GSTA4: variants seen among roughly 807,000 people sequenced by gnomAD.
The protein encoded by GSTA4 is glutathione S-transferase A4.
A neutral mutation model predicts 24.4 loss-of-function variants in GSTA4; 15 were observed. The observed-to-expected ratio is 0.61, with a 90% CI of 0.41 to 0.95. The LOEUF (loss-of-function observed/expected upper bound fraction) is 0.95. GSTA4 is among the 40% of genes least tolerant of loss of function. The pLI, the probability that GSTA4 is intolerant of heterozygous loss-of-function variation, is 0.00. For missense variants in GSTA4, 244 were observed against 262.1 expected, an observed-to-expected ratio of 0.93 and a Z score of 0.48; for synonymous variants, 92 against 94.2, an observed-to-expected ratio of 0.98 and a Z score of 0.13.
chr6:52,992,798 A>G (rs527889967), intron 2 of GSTA4, among the ~76,000 whole-genome samples: 1 of 152,304 alleles, frequency 6.6e-6, no homozygotes, highest in East Asian at 1.9e-4. Flanking sequence ...ATCGCGGGAT[A>G]GTAAAAGGAC....
At position 52,994,247 on chromosome 6, in the gene GSTA4, A is replaced by G. The variant is rs541729021; in HGVS notation, c.-4T>C. On this transcript the variant is annotated 5_prime_UTR_variant, in exon 2 of 7. Coordinates refer to ENST00000370963, the MANE Select transcript of GSTA4 (RefSeq NM_001512.4). The stretch of plus-strand genomic sequence containing the variant: ...GGAGCTTGGGCCTTGCTGCCATGAT[A>G]GCTTTTCAGGCTTTCTGAAATACAA... 7 of 1,601,944 alleles carry G rather than the reference A, an allele frequency of 4.4e-6. No homozygotes were observed. In the East Asian group the frequency reaches 1.3e-4, roughly 31 times the overall value.
At chr6:52,981,676 G>A (rs622902) in intron 6 of GSTA4, among the ~76,000 whole-genome samples, 85,765 of 152,014 alleles carry the variant, frequency 0.56, 24,537 homozygotes, top group East Asian at 0.74. Flanking sequence ...TTTGGCCCAG[G>A]AGTTACAGTC....
intron 6 of GSTA4, among the ~76,000 whole-genome samples, chr6:52,979,135 A>G (rs1271666056): frequency 6.6e-6 from 1 of 152,204 alleles, no homozygotes; most frequent in Non-Finnish European, 1.5e-5. Context: ...AAACACCTCC[A>G]GTGTATTGTT....
At chr6:52,985,324 G>C in intron 4 of GSTA4, 127 bp downstream of exon 4, 1 of 797,262 alleles carries the variant, frequency 1.3e-6, no homozygotes, top group South Asian at 2.4e-5. Context: ...GACCTTCTTG[G>C]GTTTTTGTTC....
At chr6:52,982,310 G>C (rs1763466294) in intron 6 of GSTA4, among the ~76,000 whole-genome samples, 1 of 151,608 alleles carries the variant, frequency 6.6e-6, no homozygotes, top group Admixed American at 6.6e-5. Flanking sequence ...CTTGAGCCCA[G>C]GAGTTCAAGA....
Position 52,989,947 on chromosome 6 carries a change from G to A in GSTA4, c.88-2539C>T, listed in dbSNP as rs77022534. On this transcript the variant is annotated intron_variant, in intron 2 of 6. Transcript: ENST00000370963. ...CAGCCTCAACCTCCTGGGCTCAAGG[G>A]ATCCTGCCACCCTCAGCCTCCCAAG... is the stretch of plus-strand genomic sequence containing the variant. 2.0e-3 allele frequency among the ~76,000 whole-genome samples: 301 copies of A among 152,206 alleles called. 1 individual carries two copies. The highest frequency in any genetic ancestry group is 7.0e-3 in the African/African-American group (290 of 41,526).
intron 2 of GSTA4, 169 bp downstream of exon 2, chr6:52,993,988 T>C: frequency 1.4e-6 from 1 of 697,934 alleles, no homozygotes; most frequent in Non-Finnish European, 2.6e-6. Flanking sequence ...ATCAACTACG[T>C]TCTAATTATA....
chr6:52,987,572 T>C (rs1581912689), intron 2 of GSTA4, 164 bp from the exon 3 acceptor site: 1 of 524,670 alleles, frequency 1.9e-6, no homozygotes, highest in South Asian at 2.6e-5. Context: ...TTCTGATTCA[T>C]ATGTGGGAGC....
At chr6:52,981,041 C>T (rs1362707882) in intron 6 of GSTA4, among the ~76,000 whole-genome samples, 1 of 151,770 alleles carries the variant, frequency 6.6e-6, no homozygotes, top group South Asian at 2.1e-4. Context: ...TGAAAAGTAT[C>T]CTAAGTTCTG....
intron 2 of GSTA4, 57 bp from the exon 3 acceptor site, chr6:52,987,465 A>C: frequency 1.1e-6 from 1 of 918,498 alleles, no homozygotes; most frequent in Admixed American, 2.1e-5. Flanking sequence ...TCAGCCATTA[A>C]GAAAACAAAA....
At chr6:52,994,641 C>G (rs565964864) in intron 1 of GSTA4, among the ~76,000 whole-genome samples, 8 of 152,080 alleles carry the variant, frequency 5.3e-5, no homozygotes, top group Non-Finnish European at 1.0e-4. Context: ...AAGAGGGTAG[C>G]GAAGGAAAAT....
In GSTA4 at chr6:52,994,969, G is replaced by A. The variant is rs4147616; in HGVS notation, c.-19+280C>T. The A allele has an allele frequency of 4.7e-3, 710 of 152,350 alleles. 38 individuals carry two copies. In the East Asian group the frequency reaches 0.11, roughly 23 times the overall value. 9.4% of individuals were successfully genotyped at this position (152,350 alleles called of 1,614,324 possible). ...GCCCAGCCAGGCCCGGGGACGATCC[G>A]AGCCCACCTTCCACCAATGCATTCA... On this transcript the variant is annotated intron_variant, in intron 1 of 6. Coordinates refer to ENST00000370963, the MANE Select transcript of GSTA4 (RefSeq NM_001512.4).
chr6:52,978,403 T>C lies in GSTA4; in HGVS notation c.*67A>G. The C allele has an allele frequency of 1.3e-6, 2 of 1,521,410 alleles. No individual in the cohort carries two copies. The highest frequency in any genetic ancestry group is 1.8e-6 in the Non-Finnish European group (2 of 1,108,618). 94.2% of individuals were successfully genotyped at this position (1,521,410 alleles called of 1,614,324 possible). On this transcript the variant is annotated 3_prime_UTR_variant, in exon 7 of 7. Transcript: ENST00000370963. ...AGCACCATGACAGAGCTGGGATCCATTAAGACATGACTGTAGACAATACCA... is the reference window on the plus strand; with the variant it reads ...AGCACCATGACAGAGCTGGGATCCACTAAGACATGACTGTAGACAATACCA...
chr6:52,988,837 T>C (rs1763610892), intron 2 of GSTA4, among the ~76,000 whole-genome samples: 1 of 152,176 alleles, frequency 6.6e-6, no homozygotes, highest in Non-Finnish European at 1.5e-5. Context: ...AATGGTATTG[T>C]GGTTATTAGG....
At chr6:52,982,545 C>G in intron 6 of GSTA4, 29 bp downstream of exon 6, 1 of 1,580,642 alleles carries the variant, frequency 6.3e-7, no homozygotes, top group Non-Finnish European at 8.6e-7. Flanking sequence ...GAGTTCTAGG[C>G]CAATCTTCTA....
chr6:52,982,700 T>A lies in GSTA4; in HGVS notation c.420A>T (p.Leu140Phe), dbSNP rs1342023551. The stretch of plus-strand genomic sequence containing the variant: ...CAAGAAAGCTTTGTCCGTGACCCCT[T>A]AAAATCTGTAGGGAAATGGTGTGCA... ...IRYFPVFEKI[L>F]RGHGQSFLVG... Residue 140 changes from leucine (L) to phenylalanine (F), a missense_variant, in exon 6 of 7, where the codon TTA (leucine) becomes TTT (phenylalanine). Coordinates refer to ENST00000370963, the MANE Select transcript of GSTA4 (RefSeq NM_001512.4). 6.2e-7 allele frequency: 1 copy of A among 1,610,950 alleles called. No individual in the cohort carries two copies. The highest frequency in any genetic ancestry group is 8.5e-7 in the Non-Finnish European group (1 of 1,177,558).
chr6:52,990,317 T>C (rs1405854467), intron 2 of GSTA4, among the ~76,000 whole-genome samples: 1 of 152,224 alleles, frequency 6.6e-6, no homozygotes, highest in Admixed American at 6.5e-5. Context: ...AATCGTGGGA[T>C]ATTGAGAATC....
At chr6:52,985,646 A>T (rs1222928444) in intron 3 of GSTA4, 63 bp from the exon 4 acceptor site, 1 of 1,547,050 alleles carries the variant, frequency 6.5e-7, no homozygotes, top group Non-Finnish European at 8.9e-7. Flanking sequence ...CCCCTAAAAA[A>T]TGCTCTGTGG....
At chr6:52,994,727 AAGGTGAAC>A (rs775959879) in intron 1 of GSTA4, among the ~76,000 whole-genome samples, 3 of 152,170 alleles carry the variant, frequency 2.0e-5, no homozygotes, top group Non-Finnish European at 4.4e-5. Context: ...CGGCAACTGG[AAGGTGAAC>A]AGGCCGAGTA....
Sources: allele counts gnomAD v4.1 joint callset (sites outside exome capture counted in the v4.1 genomes callset), GRCh38; gene constraint gnomAD v4.1.1; transcripts MANE v1.5; gene names NCBI Gene and HGNC (gene_info 2026-07-23, HGNC 2026-07-21).